The following CRHR1 variants were observed in gnomAD, a reference collection of about 807,000 sequenced individuals.
CRHR1 encodes the protein corticotropin releasing hormone receptor 1.
Under a neutral mutation model 56.0 loss-of-function variants are expected in CRHR1, and 28 were observed. The observed-to-expected ratio is 0.50, with a 90% confidence interval of 0.37 to 0.69. The LOEUF (loss-of-function observed/expected upper bound fraction) is 0.69, where lower values mean the gene tolerates loss of function less well. Among genes scored for constraint, CRHR1 ranks in the 30% least tolerant of loss-of-function variants. The pLI is 0.00. For missense variants in CRHR1, 376 were observed against 548.0 expected, an observed-to-expected ratio of 0.69 and a Z score of 3.13; for synonymous variants, 195 against 216.5, an observed-to-expected ratio of 0.90 and a Z score of 0.87.
intron 4 of CRHR1, among the ~76,000 whole-genome samples, chr17:45,828,554 G>A (rs1295165938): frequency 6.6e-6 from 1 of 152,208 alleles, no homozygotes; most frequent in East Asian, 1.9e-4. Context: ...TAAACCCGGG[G>A]AATGTGTTAC....
intron 1 of CRHR1, chr17:45,799,393 C>T (rs953396494): frequency 8.5e-5 from 13 of 152,220 alleles, no homozygotes; most frequent in African/African-American, 2.9e-4. Context: ...CAAACCAGAT[C>T]CCAGTATTTA....
rs958238559 is a variant in CRHR1, at chr17:45,830,315, G to T, written c.555+101G>T. On this transcript the variant is annotated intron_variant, in intron 6 of 12. Coordinates refer to ENST00000314537, the MANE Select transcript of CRHR1 (RefSeq NM_004382.5). Reference sequence around the variant, plus strand: ...GGAGGAGCCCACAGAACAGGAGTGGGATCCCAGGGTATGCCCTGTCCTGCC... The same window carrying T: ...GGAGGAGCCCACAGAACAGGAGTGGTATCCCAGGGTATGCCCTGTCCTGCC... The T allele has an allele frequency of 2.1e-5, 34 of 1,591,190 alleles. No homozygotes were observed. In the African/African-American group the frequency reaches 4.2e-4, roughly 19 times the overall value.
At position 45,825,151 on chromosome 17, in the gene CRHR1, C is replaced by T. The variant is rs1305909902; in HGVS notation, c.327+3711C>T. On this transcript the variant is annotated intron_variant, in intron 4 of 12. Transcript: ENST00000314537. ...GCCTGGGCTAAGCCCTAATTAAGCTCCAGCGCCCTGGGGTATCGCAGATAA... is the reference window on the plus strand; with the variant it reads ...GCCTGGGCTAAGCCCTAATTAAGCTTCAGCGCCCTGGGGTATCGCAGATAA... Among the ~76,000 whole-genome samples, 3 of 152,206 alleles carry T rather than the reference C, an allele frequency of 2.0e-5. No homozygotes were observed. The East Asian group carries it at 5.8e-4, about 29-fold the overall frequency.
rs1201565996 is a variant in CRHR1 at position 45,784,663 on chromosome 17, G to C, written c.33+86G>C. 7.4e-7 allele frequency: 1 copy of C among 1,349,030 alleles called. No individual in the cohort carries two copies. Among genetic ancestry groups the C allele is most frequent in the Non-Finnish European group, 9.8e-7 (1 of 1,017,634 alleles). 83.6% of individuals were successfully genotyped at this position (1,349,030 alleles called of 1,614,324 possible). A position where few individuals can be genotyped will look rare whatever the true frequency, so the allele number is the denominator to read the frequency against. On this transcript the variant is annotated intron_variant, in intron 1 of 12. Coordinates refer to ENST00000314537, the MANE Select transcript of CRHR1 (RefSeq NM_004382.5). The surrounding 1 kb of genome is among the most constrained non-coding windows in gnomAD (Gnocchi z 4.2). ...CGGGGCTGGGCTGTGGGTGTGATGG[G>C]GGCGGGGGCGCTGGGAGAGCCGTGC...
intron 1 of CRHR1, among the ~76,000 whole-genome samples, chr17:45,802,803 C>T (rs903263878): frequency 1.0e-3 from 158 of 152,366 alleles, no homozygotes; most frequent in African/African-American, 3.5e-3. Context: ...AATTTGGCTT[C>T]ATTTTCTGAC....
Position 45,784,473 on chromosome 17 carries a change from A to C in CRHR1, c.-72A>C. The C allele has an allele frequency of 7.0e-7, 1 of 1,438,722 alleles. No homozygotes were observed. The highest frequency in any genetic ancestry group is 9.2e-7 in the Non-Finnish European group (1 of 1,082,148). The allele number at this position is 1,438,722 out of a possible 1,614,324, so 89.1% of individuals were successfully genotyped here. A position where few individuals can be genotyped will look rare whatever the true frequency, so the allele number is the denominator to read the frequency against. ...CCCACCCCGTGCCGCCCGAGCCCGCAGCCGCCCGCCGGTCCCTCTGGGATG... is the reference window on the plus strand; with the variant it reads ...CCCACCCCGTGCCGCCCGAGCCCGCCGCCGCCCGCCGGTCCCTCTGGGATG... On this transcript the variant is annotated 5_prime_UTR_variant, in exon 1 of 13. Coordinates refer to ENST00000314537, the MANE Select transcript of CRHR1 (RefSeq NM_004382.5). This position sits in a 1 kb window ranked among gnomAD's most constrained non-coding sequence, Gnocchi z 4.2.
At chr17:45,797,283 CTTTTTT>C (rs899983592) in intron 1 of CRHR1, among the ~76,000 whole-genome samples, 3 of 94,920 alleles carry the variant, frequency 3.2e-5, no homozygotes, top group African/African-American at 9.2e-5. Context: ...TTCTTTCTTT[CTTTTTT>C]TTTTTTTTTT....
At chr17:45,823,051 G>A (rs2062077754) in intron 4 of CRHR1, among the ~76,000 whole-genome samples, 1 of 151,374 alleles carries the variant, frequency 6.6e-6, no homozygotes, top group South Asian at 2.1e-4. Context: ...GGCTGAGGCA[G>A]GAGAATCACT....
intron 2 of CRHR1, among the ~76,000 whole-genome samples, chr17:45,809,763 C>T (rs1048816622): frequency 4.6e-5 from 7 of 152,232 alleles, no homozygotes; most frequent in Non-Finnish European, 7.3e-5. Flanking sequence ...GGGCCTTTTA[C>T]GTGCCTCATG....
intron 5 of CRHR1, among the ~76,000 whole-genome samples, chr17:45,829,801 C>T (rs1255692000): frequency 6.6e-6 from 1 of 152,012 alleles, no homozygotes; most frequent in Non-Finnish European, 1.5e-5. Context: ...TAGAAGGCAC[C>T]CCCAGGGGAA....
At chr17:45,794,592 T>A (rs1052190406) in intron 1 of CRHR1, among the ~76,000 whole-genome samples, 1 of 152,072 alleles carries the variant, frequency 6.6e-6, no homozygotes, top group Non-Finnish European at 1.5e-5. Flanking sequence ...AGGAGGAAAC[T>A]CTTTGGTTTA....
intron 1 of CRHR1, among the ~76,000 whole-genome samples, chr17:45,795,372 A>C (rs2061499220): frequency 6.6e-6 from 1 of 152,222 alleles, no homozygotes; most frequent in Admixed American, 6.5e-5. Context: ...GGGATGGAGC[A>C]TTGAAACCCT....
At chr17:45,817,877 T>A (rs1944547364) in intron 3 of CRHR1, among the ~76,000 whole-genome samples, 1 of 151,952 alleles carries the variant, frequency 6.6e-6, no homozygotes, top group African/African-American at 2.4e-5. Context: ...GTCCAAGGGG[T>A]GCACAGTTGG....
chr17:45,811,004 C>T (rs901252077), intron 2 of CRHR1, among the ~76,000 whole-genome samples: 24 of 152,260 alleles, frequency 1.6e-4, no homozygotes, highest in Non-Finnish European at 2.9e-4. Flanking sequence ...GCTGAGTCCC[C>T]CTCCTGGGTT....
chr17:45,802,007 GTT>G (rs534988754), intron 1 of CRHR1, among the ~76,000 whole-genome samples: 1 of 146,486 alleles, frequency 6.8e-6, no homozygotes, highest in Non-Finnish European at 1.5e-5. Context: ...AATTCTCCGT[GTT>G]TTTTTTTTTG....
chr17:45,821,549 C>T (rs1466285143), intron 4 of CRHR1, 109 bp downstream of exon 4: 5 of 1,051,508 alleles, frequency 4.8e-6, no homozygotes, highest in Non-Finnish European at 7.2e-6. Flanking sequence ...ATGTCAAGGC[C>T]CTGCTCTAGT....
At chr17:45,794,329 A>G (rs999172546) in intron 1 of CRHR1, among the ~76,000 whole-genome samples, 1 of 152,196 alleles carries the variant, frequency 6.6e-6, no homozygotes, top group Non-Finnish European at 1.5e-5. Context: ...CCAGGAACCA[A>G]TTGTTGGTAG....
chr17:45,791,015 G>A (rs970974118), intron 1 of CRHR1, among the ~76,000 whole-genome samples: 5 of 152,200 alleles, frequency 3.3e-5, no homozygotes, highest in Non-Finnish European at 7.3e-5. Flanking sequence ...GACAAGTGAT[G>A]GCCGCAGCAT....
At chr17:45,828,872 G>T (rs556059110) in intron 4 of CRHR1, among the ~76,000 whole-genome samples, 1 of 152,336 alleles carries the variant, frequency 6.6e-6, no homozygotes, top group African/African-American at 2.4e-5. Flanking sequence ...CTGGGTGGCA[G>T]CATGGGTAGA....
Sources: gnomAD v4.1 joint callset for allele counts (sites outside exome capture counted in the v4.1 genomes callset) on GRCh38, gnomAD v4.1.1 for gene constraint, Gnocchi (gnomAD v3.1) non-coding constraint, MANE v1.5 for transcripts, NCBI Gene and HGNC (gene_info 2026-07-23, HGNC 2026-07-21) for gene names.